The following TOR1A variants were observed in gnomAD, a reference collection of about 807,000 sequenced individuals.
TOR1A encodes torsin-1A.
A neutral mutation model predicts 31.4 loss-of-function variants in TOR1A; 18 were observed. That is an observed-to-expected ratio of 0.57 (90% CI 0.40 to 0.85). TOR1A has a LOEUF of 0.85. Among genes scored for constraint, TOR1A ranks in the 40% least tolerant of loss-of-function variants. The probability of loss-of-function intolerance (pLI) is 0.00; values close to 1 mark genes in which losing one functional copy is unlikely to be tolerated. For missense variants in TOR1A, 375 were observed against 416.4 expected (o/e 0.90, Z 0.87); for synonymous variants, 168 against 165.9 (o/e 1.01, Z -0.10).
chr9:129,823,413 GC>G, intron 1 of TOR1A: 1 of 270,994 alleles, frequency 3.7e-6, no homozygotes, highest in Non-Finnish European at 7.2e-6. Context: ...CCGGGGTCCG[GC>G]CCCCGCGGAC....
intron 2 of TOR1A, chr9:129,822,344 C>A: frequency 1.0e-5 from 6 of 592,984 alleles, no homozygotes; most frequent in Middle Eastern, 2.6e-4. Flanking sequence ...CCTCTAAAAT[C>A]CCATGACCCT....
In TOR1A at chr9:129,818,523, T is replaced by G; in HGVS notation, c.745A>C (p.Asn249His). 6.2e-7 allele frequency: 1 copy of G among 1,614,120 alleles called. No individual in the cohort carries two copies. Among genetic ancestry groups the G allele is most frequent in the Non-Finnish European group, 8.5e-7 (1 of 1,180,034 alleles). ...ALSVSVFNNK[N>H]SGFWHSSLID... ...GGCGGTGGATGGCCCTACTCACTGT[T>G]CTTGTTATTGAAAACCGACACAGAC... Residue 249 changes from asparagine to histidine, a missense_variant, in exon 4 of 5, where the codon AAC (asparagine) becomes CAC (histidine). Asn to His is a moderately conservative substitution (Grantham distance 68). Transcript: ENST00000351698.
Position 129,814,149 on chromosome 9 carries a change from G to A in TOR1A, c.822C>T (p.Tyr274=). The A allele has an allele frequency of 6.2e-7, 1 of 1,614,146 alleles. No homozygotes were observed. The highest frequency in any genetic ancestry group is 1.1e-5 in the South Asian group (1 of 91,092). The change falls in exon 5 of 5, where the codon TAC becomes TAT. Residue 274 remains tyrosine, a synonymous_variant. Coordinates refer to ENST00000351698, the MANE Select transcript of TOR1A (RefSeq NM_000113.3). ...DYFVPFLPLE[Y]KHLKMCIRVE... is the part of the protein sequence containing the mutation. ...CTCGGATACACATTTTTAGGTGTTTGTATTCCAGGGGGAGGAAGGGAACAA... is the reference window on the plus strand; with the variant it reads ...CTCGGATACACATTTTTAGGTGTTTATATTCCAGGGGGAGGAAGGGAACAA...
intron 4 of TOR1A, among the ~76,000 whole-genome samples, chr9:129,817,344 G>A (rs919528461): frequency 4.6e-5 from 7 of 152,158 alleles, no homozygotes; most frequent in Admixed American, 3.3e-4. Context: ...AGCTGCCCAC[G>A]GCATCCTTCC....
chr9:129,819,216 T>C (rs2031120032), intron 2 of TOR1A, among the ~76,000 whole-genome samples: 1 of 152,218 alleles, frequency 6.6e-6, no homozygotes, highest in Non-Finnish European at 1.5e-5. Flanking sequence ...CCCGATACTT[T>C]GGTTACGGTT....
In TOR1A at chr9:129,818,589, G is replaced by T. The variant is rs920483765; in HGVS notation, c.679C>A (p.Gln227Lys). 6.2e-7 allele frequency: 1 copy of T among 1,614,204 alleles called. No homozygotes were observed. The highest frequency in any genetic ancestry group is 1.7e-5 in the Admixed American group (1 of 60,018). The stretch of plus-strand genomic sequence containing the variant: ...TCTTTGAGCTTGATGTCTTCCCTCT[G>T]CTTTCCACTCCTCCAGAAATCCAAA... ...VALDFWRSGK[Q>K]REDIKLKDIE... The change falls in exon 4 of 5, where the codon CAG (glutamine) becomes AAG (lysine). Residue 227 changes from glutamine (Q) to lysine (K), a missense_variant. Coordinates refer to ENST00000351698, the MANE Select transcript of TOR1A (RefSeq NM_000113.3).
intron 4 of TOR1A, among the ~76,000 whole-genome samples, chr9:129,816,184 C>G (rs1230678104): frequency 2.0e-5 from 3 of 152,198 alleles, no homozygotes. Context: ...CCCCTCGGGC[C>G]CCTGGACGTG....
chr9:129,813,822 A>G lies in TOR1A; in HGVS notation c.*150T>C. ...GGCCTGCAGGCACCAGGGGGTGGAA[A>G]CAATGCCAGGGAGAATTCCTGTCAC... is the stretch of plus-strand genomic sequence containing the variant. On this transcript the variant is annotated 3_prime_UTR_variant, in exon 5 of 5. Coordinates refer to ENST00000351698, the MANE Select transcript of TOR1A (RefSeq NM_000113.3). 1 of 1,272,666 alleles carries G rather than the reference A, an allele frequency of 7.9e-7. No individual in the cohort carries two copies. The highest frequency in any genetic ancestry group is 1.3e-5 in the South Asian group (1 of 79,732). 78.8% of individuals were successfully genotyped at this position (1,272,666 alleles called of 1,614,324 possible).
intron 4 of TOR1A, among the ~76,000 whole-genome samples, chr9:129,815,100 C>T (rs1254178983): frequency 3.3e-5 from 5 of 152,224 alleles, no homozygotes; most frequent in Non-Finnish European, 5.9e-5. Context: ...GCGTCGCCCA[C>T]GAGCCCATGC....
intron 2 of TOR1A, 127 bp downstream of exon 2, chr9:129,822,454 G>A: frequency 7.7e-7 from 1 of 1,292,600 alleles, no homozygotes; most frequent in Non-Finnish European, 1.1e-6. Flanking sequence ...CTTTCCAAGG[G>A]GAACTGAGAC....
chr9:129,814,312 C>A (rs77407702), intron 4 of TOR1A, 90 bp from the exon 5 acceptor site: 3 of 1,596,472 alleles, frequency 1.9e-6, no homozygotes, highest in Non-Finnish European at 2.6e-6. Flanking sequence ...CCCTCCCATC[C>A]GTCCCACAAA....
chr9:129,813,992 C>A lies in TOR1A; in HGVS notation c.979G>T (p.Asp327Tyr). ...GACTGTCAATCATCGTAGTAATAAT[C>A]TAACTTGGTGAACACCGTTTTGCAG... ...KGCKTVFTKLDYYYDD is the reference protein window; with the variant it reads ...KGCKTVFTKLYYYYDD Residue 327 changes from aspartate to tyrosine, a missense_variant, in exon 5 of 5, where the codon GAT becomes TAT. By Grantham distance (160) the Asp-to-Tyr change is radical (BLOSUM62 -3). Coordinates refer to ENST00000351698, the MANE Select transcript of TOR1A (RefSeq NM_000113.3). 1 of 1,614,200 alleles carries A rather than the reference C, an allele frequency of 6.2e-7. No homozygotes were observed. The highest frequency in any genetic ancestry group is 8.5e-7 in the Non-Finnish European group (1 of 1,180,046).
Position 129,824,086 on chromosome 9 carries a change from G to T in TOR1A, c.-1C>A. ...CCAGCACGGCCCGGCCCAGCTTCAT[G>T]CCCGGACCCGCGCCACCCTGCTTGT... is the stretch of plus-strand genomic sequence containing the variant. On this transcript the variant is annotated 5_prime_UTR_variant, in exon 1 of 5. Transcript: ENST00000351698. 2 of 1,571,136 alleles carry T rather than the reference G, an allele frequency of 1.3e-6. No individual in the cohort carries two copies. Among genetic ancestry groups the T allele is most frequent in the South Asian group, 1.1e-5 (1 of 87,020 alleles).
intron 1 of TOR1A, chr9:129,823,520 G>A (rs1363483766): frequency 2.4e-4 from 3 of 12,578 alleles, no homozygotes; most frequent in Admixed American, 2.1e-3. Flanking sequence ...CCCAGCCCCC[G>A]CTCCTGAGCC....
chr9:129,817,363 C>A (rs1040711513), intron 4 of TOR1A, among the ~76,000 whole-genome samples: 1 of 152,188 alleles, frequency 6.6e-6, no homozygotes, highest in Non-Finnish European at 1.5e-5. Flanking sequence ...CCTTGCTCAA[C>A]CACTGGCTCT....
chr9:129,819,063 G>T, intron 2 of TOR1A, 143 bp from the exon 3 acceptor site: 2 of 925,082 alleles, frequency 2.2e-6, no homozygotes, highest in Non-Finnish European at 3.4e-6. Context: ...AATCTTCTTT[G>T]TTCCTACCAA....
At position 129,813,938 on chromosome 9, in the gene TOR1A, T is replaced by C. The variant is rs745453474; in HGVS notation, c.*34A>G. ...GACTGAGTGTTGTTTCTTTTCCAACTCCAGGCAGTGACTCCGGCTGCCAAT... is the reference window on the plus strand; with the variant it reads ...GACTGAGTGTTGTTTCTTTTCCAACCCCAGGCAGTGACTCCGGCTGCCAAT... On this transcript the variant is annotated 3_prime_UTR_variant, in exon 5 of 5. Coordinates refer to ENST00000351698, the MANE Select transcript of TOR1A (RefSeq NM_000113.3). 4.5e-5 allele frequency: 73 copies of C among 1,611,992 alleles called. No individual in the cohort carries two copies. In the South Asian group the frequency reaches 7.6e-4, roughly 17 times the overall value.
chr9:129,822,708 G>A lies in TOR1A; in HGVS notation c.317C>T (p.Thr106Ile), dbSNP rs1307680752. The stretch of plus-strand genomic sequence containing the variant: ...GATCTTGCTGACGAAATTTTTGCCG[G>A]TGCCTGTCCACCCGTGCAGGGAGAG... The part of the protein sequence containing the change: ...LTLSLHGWTG[T>I]GKNFVSKIIA... The change falls in exon 2 of 5, where the codon ACC (threonine) becomes ATC (isoleucine). Residue 106 changes from threonine (T) to isoleucine (I), a missense_variant. Transcript: ENST00000351698. 1.2e-6 allele frequency: 2 copies of A among 1,614,076 alleles called. No individual in the cohort carries two copies. The highest frequency in any genetic ancestry group is 1.7e-5 in the Admixed American group (1 of 60,004).
At chr9:129,815,223 C>T (rs559926694) in intron 4 of TOR1A, among the ~76,000 whole-genome samples, 1 of 152,380 alleles carries the variant, frequency 6.6e-6, no homozygotes, top group South Asian at 2.1e-4. Context: ...CCCAACAGTG[C>T]TTTGCACACA....
Sources: gnomAD v4.1 joint callset for allele counts (sites outside exome capture counted in the v4.1 genomes callset) on GRCh38, gnomAD v4.1.1 for gene constraint, MANE v1.5 for transcripts, NCBI Gene and HGNC (gene_info 2026-07-23, HGNC 2026-07-21) for gene names.